The following TRUB1 variants were observed in gnomAD, a reference collection of about 807,000 sequenced individuals.
TRUB1 encodes TruB pseudouridine synthase family member 1.
TRUB1 carries 23 observed loss-of-function variants against 33.9 expected under a neutral mutation model. The ratio of observed to expected loss-of-function variants is 0.68; its 90% confidence interval spans 0.49 to 0.96. The LOEUF (loss-of-function observed/expected upper bound fraction) is 0.96. Ranked by LOEUF, TRUB1 falls within the 40% of genes least tolerant of loss-of-function variation. TRUB1 has a pLI of 0.00. For synonymous variants in TRUB1, 163 were observed against 165.4 expected (o/e 0.99, Z 0.11); for missense variants, 378 against 422.2 (o/e 0.90, Z 0.92).
chr10:114,959,572 C>T (rs2084276427), intron 3 of TRUB1, among the ~76,000 whole-genome samples, 154 bp from the exon 4 acceptor site: 1 of 152,180 alleles, frequency 6.6e-6, no homozygotes, highest in South Asian at 2.1e-4. Flanking sequence ...TTGCTTTCCA[C>T]ATATTAAAAA....
intron 3 of TRUB1, among the ~76,000 whole-genome samples, chr10:114,956,700 A>G (rs573845514): frequency 2.0e-5 from 3 of 152,270 alleles, no homozygotes; most frequent in African/African-American, 7.2e-5. Flanking sequence ...CAATCCCACA[A>G]ATACATGGTA....
rs1048465729 is a variant in TRUB1, at chr10:114,974,264, C to A, written c.737-65C>A. The A allele has an allele frequency of 2.1e-5, 26 of 1,212,076 alleles. No homozygotes were observed. The Admixed American group carries it at 2.2e-4, about 10-fold the overall frequency. The allele number at this position is 1,212,076 out of a possible 1,614,324, so 75.1% of individuals were successfully genotyped here. A position where few individuals can be genotyped will look rare whatever the true frequency, so the allele number is the denominator to read the frequency against. On this transcript the variant is annotated intron_variant, in intron 6 of 7. Coordinates refer to ENST00000298746, the MANE Select transcript of TRUB1 (RefSeq NM_139169.5). The stretch of plus-strand genomic sequence containing the variant: ...CATTTTTACATTTGTTTAGGGACAT[C>A]ATTTCTATGTAAAGTGGATTTCATA...
At chr10:114,939,352 A>ATT (rs764760465) in intron 1 of TRUB1, among the ~76,000 whole-genome samples, 3 of 152,238 alleles carry the variant, frequency 2.0e-5, no homozygotes, top group Non-Finnish European at 4.4e-5. Context: ...AGACTTGAAG[A>ATT]TGAAAGATAA....
intron 2 of TRUB1, among the ~76,000 whole-genome samples, chr10:114,950,671 C>T (rs556588923): frequency 6.6e-6 from 1 of 152,224 alleles, no homozygotes; most frequent in South Asian, 2.1e-4. Context: ...TTAAATGGTT[C>T]ATTAGCTGTG....
At chr10:114,944,615 C>T (rs747985767) in intron 2 of TRUB1, among the ~76,000 whole-genome samples, 6 of 151,804 alleles carry the variant, frequency 4.0e-5, no homozygotes, top group Admixed American at 2.0e-4. Context: ...TCTGAGATCG[C>T]GCCACTGCAC....
intron 2 of TRUB1, among the ~76,000 whole-genome samples, chr10:114,943,159 C>T (rs954233906): frequency 1.3e-5 from 2 of 152,196 alleles, no homozygotes; most frequent in African/African-American, 4.8e-5. Flanking sequence ...ACCAGCTTTC[C>T]TTCTAGGAAT....
intron 1 of TRUB1, 101 bp from the exon 2 acceptor site, chr10:114,942,540 TTTTG>T: frequency 1.4e-6 from 1 of 708,030 alleles, no homozygotes; most frequent in Non-Finnish European, 2.5e-6. Flanking sequence ...GTATAATACT[TTTTG>T]TTTGTTTTGA....
At position 114,975,252 on chromosome 10, in the gene TRUB1, CA is replaced by C. The variant is rs1564702916; in HGVS notation, c.924del (p.Ser309LeufsTer21). ...DDIAQSLEHC[S>X]SLFPAELALK... ...ATTGCACAGTCTCTTGAGCATTGCT[CA>C]TCTCTTTTCCCAGCAGAGTTGGCAC... On this transcript the variant is annotated frameshift_variant, in exon 8 of 8. Transcript: ENST00000298746. LOFTEE classifies it high-confidence loss of function. 1 of 1,613,618 alleles carries C rather than the reference CA, an allele frequency of 6.2e-7. No homozygotes were observed. The highest frequency in any genetic ancestry group is 2.2e-5 in the East Asian group (1 of 44,854).
intron 5 of TRUB1, among the ~76,000 whole-genome samples, chr10:114,971,708 G>T (rs2084337461): frequency 6.6e-6 from 1 of 152,132 alleles, no homozygotes; most frequent in African/African-American, 2.4e-5. Context: ...AAATGTTTTG[G>T]TAACTTATAT....
intron 2 of TRUB1, 132 bp from the exon 3 acceptor site, chr10:114,950,962 C>T: frequency 1.5e-6 from 1 of 660,354 alleles, no homozygotes; most frequent in South Asian, 2.0e-5. Flanking sequence ...GGAGCCCTAA[C>T]ATTTTGCTAA....
At chr10:114,962,425 A>G (rs1205230894) in intron 4 of TRUB1, among the ~76,000 whole-genome samples, 1 of 152,230 alleles carries the variant, frequency 6.6e-6, no homozygotes, top group Admixed American at 6.5e-5. Context: ...TCATTTTCTT[A>G]TTCCTCTGAG....
Position 114,977,356 on chromosome 10 carries a change from T to C in TRUB1, c.*1977T>C, listed in dbSNP as rs990951694. 22 of 152,094 alleles carry C rather than the reference T, an allele frequency of 1.4e-4. No individual in the cohort carries two copies. The highest frequency in any genetic ancestry group is 4.1e-4 in the African/African-American group (17 of 41,466). The allele number at this position is 152,094 out of a possible 1,614,324, so 9.4% of individuals were successfully genotyped here. A position where few individuals can be genotyped will look rare whatever the true frequency, so the allele number is the denominator to read the frequency against. ...GTTGTGATAATGATTATTTTAATTA[T>C]ATTACTTTATACTCTTAATTTATTT... On this transcript the variant is annotated 3_prime_UTR_variant, in exon 8 of 8. Coordinates refer to ENST00000298746, the MANE Select transcript of TRUB1 (RefSeq NM_139169.5).
chr10:114,959,245 G>C (rs1379933022), intron 3 of TRUB1, among the ~76,000 whole-genome samples: 1 of 152,136 alleles, frequency 6.6e-6, no homozygotes, highest in African/African-American at 2.4e-5. Flanking sequence ...ACATGACCTA[G>C]TTACTAAGAA....
chr10:114,968,480 A>G (rs1051095583), intron 4 of TRUB1, among the ~76,000 whole-genome samples: 1 of 152,232 alleles, frequency 6.6e-6, no homozygotes, highest in African/African-American at 2.4e-5. Flanking sequence ...GGCTGTCTAG[A>G]TCTGGAAATC....
chr10:114,965,250 C>T (rs2084302716), intron 4 of TRUB1, among the ~76,000 whole-genome samples: 1 of 151,856 alleles, frequency 6.6e-6, no homozygotes. Flanking sequence ...TTTTTAATAG[C>T]TTTCTTATCA....
intron 2 of TRUB1, among the ~76,000 whole-genome samples, chr10:114,950,002 G>A (rs1054186862): frequency 1.2e-4 from 18 of 150,702 alleles, no homozygotes; most frequent in Non-Finnish European, 1.9e-4. Context: ...GGGTTCAAGC[G>A]ATTCTCCTGC....
In TRUB1 at chr10:114,959,739, T is replaced by C. The variant is rs62623677; in HGVS notation, c.455T>C (p.Ile152Thr). The C allele has an allele frequency of 0.02, 31,623 of 1,605,452 alleles. 401 individuals carry two copies. The highest frequency in any genetic ancestry group is 0.024 in the Non-Finnish European group (27,973 of 1,172,162). Residue 152 changes from isoleucine to threonine, a missense_variant, in exon 4 of 8, where the codon ATT becomes ACT. Coordinates refer to ENST00000298746, the MANE Select transcript of TRUB1 (RefSeq NM_139169.5). ...CCCTTCCTCTAGAGATATACTGCCA[T>C]TGGAGAACTGGGGAAAGCTACTGAT... ...MLSGSKRYTAIGELGKATDTL... is the reference protein window; with the variant it reads ...MLSGSKRYTATGELGKATDTL...
chr10:114,972,007 A>G, intron 5 of TRUB1, 128 bp from the exon 6 acceptor site: 3 of 1,026,958 alleles, frequency 2.9e-6, no homozygotes, highest in Non-Finnish European at 4.3e-6. Flanking sequence ...AAGGATTTTC[A>G]TTGTGAAGCA....
chr10:114,944,805 C>T (rs531989513), intron 2 of TRUB1, among the ~76,000 whole-genome samples: 80 of 152,026 alleles, frequency 5.3e-4, no homozygotes, highest in South Asian at 2.3e-3. Context: ...GACAATGTGG[C>T]GAAACCCCAT....
Sources: allele counts gnomAD v4.1 joint callset (sites outside exome capture counted in the v4.1 genomes callset), GRCh38; gene constraint gnomAD v4.1.1; transcripts MANE v1.5; gene names NCBI Gene and HGNC (gene_info 2026-07-23, HGNC 2026-07-21).